The following ADAMTSL1 variants were observed in gnomAD, a reference collection of about 807,000 sequenced individuals.
The protein encoded by ADAMTSL1 is ADAMTS-like protein 1.
A neutral mutation model predicts 201.8 loss-of-function variants in ADAMTSL1; 126 were observed. That is an observed-to-expected ratio of 0.62 (90% CI 0.54 to 0.72). The LOEUF (loss-of-function observed/expected upper bound fraction) is 0.72. Among genes scored for constraint, ADAMTSL1 ranks in the 30% least tolerant of loss-of-function variants. ADAMTSL1 has a pLI of 0.00. For missense variants in ADAMTSL1, 2,679 were observed against 2,277.8 expected (o/e 1.18, Z -3.59); for synonymous variants, 1,121 against 903.4 (o/e 1.24, Z -4.32).
chr9:17,988,021 A>C (rs1183573990), intron 1 of ADAMTSL1, among the ~76,000 whole-genome samples: 3 of 151,950 alleles, frequency 2.0e-5, no homozygotes, highest in Non-Finnish European at 4.4e-5. Context: ...GCAAAAGTAC[A>C]CTCTTAATTT....
In ADAMTSL1 at chr9:18,576,738, TACTC is replaced by T. The variant is rs1209298195; in HGVS notation, c.474+2474_474+2477del. 2.0e-5 allele frequency among the ~76,000 whole-genome samples: 3 copies of T among 152,346 alleles called. No individual in the cohort carries two copies. The East Asian group carries it at 5.8e-4, about 29-fold the overall frequency. On this transcript the variant is annotated intron_variant, in intron 4 of 28. Transcript: ENST00000380548. The stretch of plus-strand genomic sequence containing the variant: ...CTATTTATAATATATACCTAATTCT[TACTC>T]AGTAGTAATAGAGCATCATACGAGG...
intron 16 of ADAMTSL1, 112 bp downstream of exon 16, chr9:18,753,620 C>A: frequency 1.7e-6 from 2 of 1,160,358 alleles, no homozygotes; most frequent in South Asian, 1.3e-5. Context: ...TGTTCAAGAT[C>A]TGCTCATTTC....
intron 1 of ADAMTSL1, among the ~76,000 whole-genome samples, chr9:18,076,917 A>G (rs1823256356): frequency 6.6e-6 from 1 of 152,172 alleles, no homozygotes. Context: ...GGTAGTAGAG[A>G]TGACAAGAAA....
chr9:18,846,624 A>G (rs1826134261), intron 23 of ADAMTSL1, among the ~76,000 whole-genome samples: 1 of 152,174 alleles, frequency 6.6e-6, no homozygotes, highest in Admixed American at 6.5e-5. Context: ...TTGCGTTTTT[A>G]AAAGCTTATT....
At chr9:18,849,681 C>G (rs1563856452) in intron 23 of ADAMTSL1, among the ~76,000 whole-genome samples, 1 of 152,146 alleles carries the variant, frequency 6.6e-6, no homozygotes, top group South Asian at 2.1e-4. Context: ...GTCAAAGAGA[C>G]ACAAGTCAGC....
intron 1 of ADAMTSL1, among the ~76,000 whole-genome samples, chr9:18,001,166 G>A (rs1819597731): frequency 6.6e-6 from 1 of 151,706 alleles, no homozygotes; most frequent in Admixed American, 6.6e-5. Flanking sequence ...GACAAATAAA[G>A]GAAAACTAAC....
At chr9:17,976,365 A>G (rs201244778) in intron 1 of ADAMTSL1, among the ~76,000 whole-genome samples, 1 of 152,082 alleles carries the variant, frequency 6.6e-6, no homozygotes, top group Non-Finnish European at 1.5e-5. Context: ...AACATGGGAT[A>G]TCTTTCCATT....
At chr9:17,996,199 A>G (rs1017297543) in intron 1 of ADAMTSL1, among the ~76,000 whole-genome samples, 2 of 151,278 alleles carry the variant, frequency 1.3e-5, no homozygotes, top group East Asian at 3.9e-4. Flanking sequence ...GAGAGCTCCC[A>G]TCATCTGTAG....
intron 23 of ADAMTSL1, among the ~76,000 whole-genome samples, chr9:18,874,294 T>A (rs1318417145): frequency 6.6e-6 from 1 of 152,192 alleles, no homozygotes. Context: ...TTCTTTTCTT[T>A]CTCTTGTCTG....
In ADAMTSL1 at chr9:18,484,493, T is replaced by C. The variant is rs184383954; in HGVS notation, c.63+10198T>C. ...TTCCTGAAATCCTCTTTTTTAGGAA[T>C]ACTGAAACCTAAGCTTAATGGGTGT... On this transcript the variant is annotated intron_variant, in intron 1 of 28. Transcript: ENST00000380548. Among the ~76,000 whole-genome samples, 4 of 152,336 alleles carry C rather than the reference T, an allele frequency of 2.6e-5. No homozygotes were observed. The East Asian group carries it at 7.7e-4, about 29-fold the overall frequency.
intron 1 of ADAMTSL1, among the ~76,000 whole-genome samples, chr9:17,989,658 A>T (rs1279896138): frequency 2.6e-5 from 4 of 151,996 alleles, no homozygotes; most frequent in African/African-American, 9.7e-5. Context: ...TTTGCCTGGA[A>T]CTTAACCAAC....
At chr9:18,382,734 T>C (rs141050742) in intron 2 of ADAMTSL1, among the ~76,000 whole-genome samples, 2 of 152,232 alleles carry the variant, frequency 1.3e-5, no homozygotes, top group African/African-American at 4.8e-5. Flanking sequence ...CACAGTGTAC[T>C]TCTTGTGGTT....
rs1818170352 is a variant in ADAMTSL1 at position 18,513,575 on chromosome 9, T to C, written c.191+8619T>C. On this transcript the variant is annotated intron_variant, in intron 2 of 28. Coordinates refer to ENST00000380548, the MANE Select transcript of ADAMTSL1 (RefSeq NM_001040272.6). ...AGCTGAGAGATCATTGCCAAATCAA[T>C]ATTAGGAAGCTTTGCCCCTGTATTT... Among the ~76,000 whole-genome samples, 5 of 152,212 alleles carry C rather than the reference T, an allele frequency of 3.3e-5. No individual in the cohort carries two copies. In the South Asian group the frequency reaches 1.0e-3, roughly 32 times the overall value.
chr9:18,025,524 G>A (rs1820655695), intron 1 of ADAMTSL1, among the ~76,000 whole-genome samples: 2 of 151,824 alleles, frequency 1.3e-5, no homozygotes, highest in Non-Finnish European at 1.5e-5. Context: ...TTTCCCCATT[G>A]CCTATTTTGC....
chr9:18,003,341 A>C (rs1277894451), intron 1 of ADAMTSL1, among the ~76,000 whole-genome samples: 1 of 152,038 alleles, frequency 6.6e-6, no homozygotes, highest in Non-Finnish European at 1.5e-5. Flanking sequence ...TACCTGCTGA[A>C]GGTTGCAAAT....
intron 4 of ADAMTSL1, among the ~76,000 whole-genome samples, chr9:18,591,095 T>C (rs1428616475): frequency 6.6e-6 from 1 of 152,196 alleles, no homozygotes; most frequent in African/African-American, 2.4e-5. Context: ...AATTTCTGTC[T>C]GGATGATCTG....
chr9:18,114,234 C>T (rs909829557), intron 1 of ADAMTSL1, among the ~76,000 whole-genome samples: 2 of 152,032 alleles, frequency 1.3e-5, no homozygotes, highest in African/African-American at 2.4e-5. Context: ...GAAAGTTGGC[C>T]ATTTGATGAA....
At chr9:18,902,991 G>C (rs1168229684) in intron 26 of ADAMTSL1, among the ~76,000 whole-genome samples, 1 of 152,180 alleles carries the variant, frequency 6.6e-6, no homozygotes, top group Non-Finnish European at 1.5e-5. Flanking sequence ...GATCACTTGA[G>C]GTCAGGAGTT....
chr9:18,271,321 T>A (rs13294282), intron 2 of ADAMTSL1, among the ~76,000 whole-genome samples: 11,874 of 152,032 alleles, frequency 0.078, 525 homozygotes, highest in African/African-American at 0.11. Flanking sequence ...CCTAATGCTA[T>A]CCCTCCCCAC....
Sources: gnomAD v4.1 joint callset for allele counts (sites outside exome capture counted in the v4.1 genomes callset) on GRCh38, gnomAD v4.1.1 for gene constraint, MANE v1.5 for transcripts, NCBI Gene and HGNC (gene_info 2026-07-23, HGNC 2026-07-21) for gene names.